Variants in MSR1 observed in about 807,000 individuals in gnomAD.
The protein encoded by MSR1 is macrophage scavenger receptor 1.
Under a neutral mutation model 47.2 loss-of-function variants are expected in MSR1, and 53 were observed. The observed-to-expected ratio is 1.12, with a 90% CI of 0.90 to 1.41. The LOEUF (loss-of-function observed/expected upper bound fraction) is 1.41. Among genes scored for constraint, MSR1 ranks in the 40% most tolerant of loss-of-function variants. MSR1 has a pLI of 0.00. For synonymous variants in MSR1, 239 were observed against 185.6 expected (o/e 1.29, Z -2.34); for missense variants, 786 against 546.9 (o/e 1.44, Z -4.36).
At chr8:16,190,430 G>C (rs1802165077) in intron 1 of MSR1, among the ~76,000 whole-genome samples, 1 of 152,020 alleles carries the variant, frequency 6.6e-6, no homozygotes. Flanking sequence ...GAATCATTTA[G>C]ATTTTGATAA....
rs569472449 is a variant in MSR1 at position 16,165,604 on chromosome 8, G to A, written c.631-1353C>T. Reference sequence around the variant, plus strand: ...GTACTCCTATGTTCTAAAGTTGATAGATACTCATTTCCGATTTGCACATGG... The same window carrying A: ...GTACTCCTATGTTCTAAAGTTGATAAATACTCATTTCCGATTTGCACATGG... On this transcript the variant is annotated intron_variant, in intron 4 of 9. Transcript: ENST00000262101. Among the ~76,000 whole-genome samples the A allele has an allele frequency of 2.3e-4, 35 of 152,132 alleles. 1 individual carries two copies. In the South Asian group the frequency reaches 6.9e-3, roughly 30 times the overall value.
At chr8:16,160,779 C>G (rs1235330156) in intron 5 of MSR1, among the ~76,000 whole-genome samples, 2 of 151,904 alleles carry the variant, frequency 1.3e-5, no homozygotes, top group Non-Finnish European at 2.9e-5. Flanking sequence ...AGCACTTTTT[C>G]TATATTAACT....
In MSR1 at chr8:16,110,072, A is replaced by T; in HGVS notation, c.*13T>A. The T allele has an allele frequency of 6.2e-7, 1 of 1,613,308 alleles. No homozygotes were observed. Among genetic ancestry groups the T allele is most frequent in the Non-Finnish European group, 8.5e-7 (1 of 1,179,500 alleles). ...AGCAGCGATTTCATAGTTGTGAATG[A>T]AAATATGATGCATTATAAAGTGCAA... On this transcript the variant is annotated 3_prime_UTR_variant, in exon 10 of 10. Transcript: ENST00000262101.
At chr8:16,189,361 T>G (rs1226246394) in intron 1 of MSR1, among the ~76,000 whole-genome samples, 1 of 118,428 alleles carries the variant, frequency 8.4e-6, no homozygotes, top group Admixed American at 1.1e-4. Flanking sequence ...TTTATATATT[T>G]TTATATATAT....
intron 8 of MSR1, among the ~76,000 whole-genome samples, chr8:16,132,807 T>C (rs1248719426): frequency 6.6e-6 from 1 of 152,070 alleles, no homozygotes; most frequent in Non-Finnish European, 1.5e-5. Context: ...TCCAATACCA[T>C]GCTGAACAGG....
chr8:16,137,798 C>A (rs1472126837), intron 8 of MSR1, among the ~76,000 whole-genome samples: 2 of 151,948 alleles, frequency 1.3e-5, no homozygotes, highest in African/African-American at 4.8e-5. Flanking sequence ...TTTGCACCAG[C>A]CTTGGCAATA....
At chr8:16,132,206 C>G (rs1800276939) in intron 8 of MSR1, among the ~76,000 whole-genome samples, 1 of 151,728 alleles carries the variant, frequency 6.6e-6, no homozygotes, top group African/African-American at 2.4e-5. Flanking sequence ...TCCTTCACTC[C>G]CCTTTTTAGC....
At chr8:16,170,997 G>A (rs1801468912) in intron 3 of MSR1, among the ~76,000 whole-genome samples, 1 of 152,090 alleles carries the variant, frequency 6.6e-6, no homozygotes, top group South Asian at 2.1e-4. Flanking sequence ...GAGGCTGTGT[G>A]TGGATCACCT....
chr8:16,132,264 T>C (rs1800278626), intron 8 of MSR1, among the ~76,000 whole-genome samples: 1 of 152,098 alleles, frequency 6.6e-6, no homozygotes. Context: ...TGAATGGGGT[T>C]GCATTCCTGA....
At position 16,128,655 on chromosome 8, in the gene MSR1, G is replaced by A. The variant is rs774668166; in HGVS notation, c.1034-8049C>T. On this transcript the variant is annotated intron_variant, in intron 8 of 9. Transcript: ENST00000262101. Reference sequence around the variant, plus strand: ...TTATGTTATGTTTTTACTTGCAAACGAGAAATAGCATACTTCAGTGCATAT... The same window carrying A: ...TTATGTTATGTTTTTACTTGCAAACAAGAAATAGCATACTTCAGTGCATAT... 1.1e-4 allele frequency among the ~76,000 whole-genome samples: 16 copies of A among 152,046 alleles called. No individual in the cohort carries two copies. In the East Asian group the frequency reaches 1.9e-3, roughly 18 times the overall value.
At chr8:16,171,131 G>A (rs556611247) in intron 3 of MSR1, among the ~76,000 whole-genome samples, 2 of 150,560 alleles carry the variant, frequency 1.3e-5, no homozygotes, top group Admixed American at 1.3e-4. Flanking sequence ...GGCTGAGGCA[G>A]GAGAATTGCT....
Position 16,177,908 on chromosome 8 carries a change from T to A in MSR1, c.81A>T (p.Ser27=), listed in dbSNP as rs1331659911. 1 of 1,613,954 alleles carries A rather than the reference T, an allele frequency of 6.2e-7. No homozygotes were observed. The highest frequency in any genetic ancestry group is 2.2e-5 in the East Asian group (1 of 44,836). ...TACTCGGAGGAAGCAAAGCTGTCAT[T>A]GAGCGAGCATCAAATTTCACAGATT... ...CSESVKFDAR[S]MTALLPPNPK... Residue 27 remains serine (S), a synonymous_variant, in exon 2 of 10, where the codon TCA becomes TCT. Transcript: ENST00000262101.
intron 1 of MSR1, among the ~76,000 whole-genome samples, chr8:16,178,275 C>T (rs544011307): frequency 1.4e-5 from 2 of 143,600 alleles, no homozygotes; most frequent in Admixed American, 7.0e-5. Context: ...CCACAACAGG[C>T]CCCAGTGTGT....
At chr8:16,133,543 A>C (rs144354802) in intron 8 of MSR1, among the ~76,000 whole-genome samples, 1 of 152,130 alleles carries the variant, frequency 6.6e-6, no homozygotes, top group Non-Finnish European at 1.5e-5. Flanking sequence ...AAATACTCTC[A>C]TAGTAAGCCT....
intron 8 of MSR1, among the ~76,000 whole-genome samples, chr8:16,121,934 T>G (rs12114600): frequency 0.032 from 4,882 of 152,122 alleles, 165 homozygotes; most frequent in East Asian, 0.12. Flanking sequence ...ACAAATGTTT[T>G]TAACTTATGC....
intron 8 of MSR1, among the ~76,000 whole-genome samples, chr8:16,126,668 T>C (rs1268453349): frequency 2.6e-5 from 4 of 152,160 alleles, no homozygotes; most frequent in African/African-American, 9.6e-5. Context: ...CATAACATAT[T>C]GTGTTACTCC....
intron 4 of MSR1, among the ~76,000 whole-genome samples, chr8:16,166,193 C>A (rs1456406069): frequency 9.8e-6 from 1 of 102,286 alleles, no homozygotes; most frequent in Non-Finnish European, 1.8e-5. Flanking sequence ...TTTTTTGAGA[C>A]GGAGTCTCGC....
chr8:16,185,809 G>A (rs1368270184), intron 1 of MSR1, among the ~76,000 whole-genome samples: 7 of 149,788 alleles, frequency 4.7e-5, no homozygotes, highest in African/African-American at 1.7e-4. Flanking sequence ...AAGAATCGTA[G>A]GGAAAAAGTC....
intron 8 of MSR1, among the ~76,000 whole-genome samples, chr8:16,136,371 G>T (rs1563146109): frequency 6.6e-6 from 1 of 152,116 alleles, no homozygotes; most frequent in African/African-American, 2.4e-5. Flanking sequence ...TCAAATGATT[G>T]TTAGCATTTT....
Sources: allele counts gnomAD v4.1 joint callset (sites outside exome capture counted in the v4.1 genomes callset), GRCh38; gene constraint gnomAD v4.1.1; transcripts MANE v1.5; gene names NCBI Gene and HGNC (gene_info 2026-07-23, HGNC 2026-07-21).